Variants in ST8SIA6 observed in about 807,000 individuals in gnomAD.
ST8SIA6 encodes the protein ST8 alpha-N-acetyl-neuraminide alpha-2,8-sialyltransferase 6, also known as alpha-2,8-sialyltransferase 8F.
A neutral mutation model predicts 33.6 loss-of-function variants in ST8SIA6; 39 were observed. That is an observed-to-expected ratio of 1.16 (90% CI 0.90 to 1.52). The LOEUF (loss-of-function observed/expected upper bound fraction) is 1.52. Among genes scored for constraint, ST8SIA6 ranks in the 40% most tolerant of loss-of-function variants. The pLI, the probability that ST8SIA6 is intolerant of heterozygous loss-of-function variation, is 0.00. For missense variants in ST8SIA6, 441 were observed against 443.8 expected, an observed-to-expected ratio of 0.99 and a Z score of 0.06; for synonymous variants, 172 against 167.2, an observed-to-expected ratio of 1.03 and a Z score of -0.22.
intron 3 of ST8SIA6, among the ~76,000 whole-genome samples, chr10:17,361,810 G>T (rs1849401350): frequency 6.6e-6 from 1 of 151,312 alleles, no homozygotes; most frequent in Non-Finnish European, 1.5e-5. Flanking sequence ...ACAACATGAA[G>T]AAAGGATAAA....
chr10:17,344,200 C>G (rs188096037), intron 4 of ST8SIA6, among the ~76,000 whole-genome samples: 1 of 152,300 alleles, frequency 6.6e-6, no homozygotes, highest in East Asian at 1.9e-4. Flanking sequence ...GGGGAAAAGT[C>G]AAGAAGAAAG....
intron 2 of ST8SIA6, among the ~76,000 whole-genome samples, chr10:17,452,819 T>G (rs1262908740): frequency 1.3e-5 from 2 of 152,202 alleles, no homozygotes; most frequent in African/African-American, 2.4e-5. Flanking sequence ...GGTATAGGTC[T>G]AGGATTTTTA....
chr10:17,356,300 A>C (rs1588832376), intron 4 of ST8SIA6, among the ~76,000 whole-genome samples: 1 of 152,172 alleles, frequency 6.6e-6, no homozygotes, highest in Non-Finnish European at 1.5e-5. Context: ...AGAACATTAC[A>C]ATATAATAAA....
intron 2 of ST8SIA6, among the ~76,000 whole-genome samples, chr10:17,444,107 T>A (rs1852609625): frequency 6.6e-6 from 1 of 152,222 alleles, no homozygotes; most frequent in African/African-American, 2.4e-5. Flanking sequence ...CCTCCAAAGA[T>A]ATCCTTCCTG....
At chr10:17,342,660 G>T (rs939876361) in intron 4 of ST8SIA6, among the ~76,000 whole-genome samples, 7 of 152,106 alleles carry the variant, frequency 4.6e-5, no homozygotes, top group African/African-American at 1.7e-4. Flanking sequence ...TTAGTAGGTG[G>T]AAAGAACAGC....
chr10:17,398,007 A>C (rs1451205677), intron 2 of ST8SIA6, among the ~76,000 whole-genome samples: 2 of 152,216 alleles, frequency 1.3e-5, no homozygotes, highest in Non-Finnish European at 2.9e-5. Context: ...CTTAGAGACT[A>C]CAATGGCTAC....
intron 2 of ST8SIA6, among the ~76,000 whole-genome samples, chr10:17,444,620 C>CT (rs764521173): frequency 1.1e-4 from 17 of 152,204 alleles, no homozygotes; most frequent in Non-Finnish European, 2.2e-4. Flanking sequence ...AGCCCATACT[C>CT]TGTAGCCCTC....
chr10:17,324,732 C>CACACACACAG (rs1848065976), intron 6 of ST8SIA6, among the ~76,000 whole-genome samples: 1 of 143,626 alleles, frequency 7.0e-6, no homozygotes, highest in Non-Finnish European at 1.5e-5. Flanking sequence ...CACACACACA[C>CACACACACAG]ACACACAAAC....
chr10:17,404,482 C>G (rs7920769), intron 2 of ST8SIA6, among the ~76,000 whole-genome samples: 61,881 of 151,878 alleles, frequency 0.41, 13,349 homozygotes, highest in East Asian at 0.68. Context: ...TTTCAACAAG[C>G]CCTCATCCTT....
chr10:17,407,500 C>T (rs1424289216), intron 2 of ST8SIA6, among the ~76,000 whole-genome samples: 1 of 152,236 alleles, frequency 6.6e-6, no homozygotes, highest in African/African-American at 2.4e-5. Context: ...CACCCTCAAT[C>T]ACCTTTCCCC....
chr10:17,346,891 A>G (rs965571707), intron 4 of ST8SIA6, among the ~76,000 whole-genome samples: 2 of 152,192 alleles, frequency 1.3e-5, no homozygotes, highest in Non-Finnish European at 2.9e-5. Context: ...CTATCGATCT[A>G]TCGAGACTTA....
rs546243661 is a variant in ST8SIA6 at position 17,435,966 on chromosome 10, G to A, written c.200+17593C>T. Among the ~76,000 whole-genome samples, 10 of 152,284 alleles carry A rather than the reference G, an allele frequency of 6.6e-5. No homozygotes were observed. The South Asian group carries it at 2.1e-3, about 32-fold the overall frequency. ...AAATCAGAGTCTAGGGACCAGCGGAGGGAAAGCATTCCGCACATAGCACCT... is the reference window on the plus strand; with the variant it reads ...AAATCAGAGTCTAGGGACCAGCGGAAGGAAAGCATTCCGCACATAGCACCT... On this transcript the variant is annotated intron_variant, in intron 2 of 7. Coordinates refer to ENST00000377602, the MANE Select transcript of ST8SIA6 (RefSeq NM_001004470.3).
chr10:17,452,487 C>CT (rs1342201593), intron 2 of ST8SIA6, among the ~76,000 whole-genome samples: 3 of 152,196 alleles, frequency 2.0e-5, no homozygotes, highest in African/African-American at 4.8e-5. Flanking sequence ...GTACATTCTG[C>CT]TTGTGAAAAT....
At chr10:17,433,278 A>G (rs111534029) in intron 2 of ST8SIA6, among the ~76,000 whole-genome samples, 1,877 of 152,292 alleles carry the variant, frequency 0.012, 28 homozygotes, top group African/African-American at 0.043. Context: ...ATCTATATCA[A>G]GTTGTTACAC....
In ST8SIA6 at chr10:17,358,708, AGG is replaced by A. The variant is rs1849283903; in HGVS notation, c.377+804_377+805del. Reference sequence around the variant, plus strand: ...AGGAAGAGGAAAAAGGAGGAGGAGGAGGAAAGAAGAAAGAAGAAGAGGAAGAG... The same window carrying A: ...AGGAAGAGGAAAAAGGAGGAGGAGGAAAAGAAGAAAGAAGAAGAGGAAGAG... On this transcript the variant is annotated intron_variant, in intron 4 of 7. Transcript: ENST00000377602. Among the ~76,000 whole-genome samples, 4 of 131,438 alleles carry A rather than the reference AGG, an allele frequency of 3.0e-5. 1 individual carries two copies. The highest frequency in any genetic ancestry group is 1.1e-4 in the African/African-American group (4 of 34,798). 86.2% of individuals were successfully genotyped at this position (131,438 alleles called of 152,430 possible).
chr10:17,445,978 G>A (rs1852691886), intron 2 of ST8SIA6, among the ~76,000 whole-genome samples: 1 of 152,036 alleles, frequency 6.6e-6, no homozygotes, highest in African/African-American at 2.4e-5. Context: ...GATAGTTTTG[G>A]GGTCTGGTAT....
At chr10:17,385,252 C>A (rs1850291111) in intron 3 of ST8SIA6, among the ~76,000 whole-genome samples, 1 of 152,134 alleles carries the variant, frequency 6.6e-6, no homozygotes, top group African/African-American at 2.4e-5. Context: ...AAGAATGCAA[C>A]CATTTGTGTC....
chr10:17,381,782 GC>G (rs1266275498), intron 3 of ST8SIA6, among the ~76,000 whole-genome samples: 7 of 152,198 alleles, frequency 4.6e-5, no homozygotes, highest in Admixed American at 1.3e-4. Context: ...ACATTGATAT[GC>G]GTTTAATGAA....
Position 17,433,403 on chromosome 10 carries a change from G to A in ST8SIA6, c.200+20156C>T, listed in dbSNP as rs115791180. Among the ~76,000 whole-genome samples the A allele has an allele frequency of 2.9e-3, 446 of 152,282 alleles. 2 individuals are homozygous for A. The highest frequency in any genetic ancestry group is 1.0e-2 in the African/African-American group (415 of 41,546). ...TAAGATAGAGCTTTAATATCCAACC[G>A]TTGGTAATCACGGAAATTCCAATTA... is the stretch of plus-strand genomic sequence containing the variant. On this transcript the variant is annotated intron_variant, in intron 2 of 7. Transcript: ENST00000377602.
Sources: allele counts gnomAD v4.1 joint callset (sites outside exome capture counted in the v4.1 genomes callset), GRCh38; gene constraint gnomAD v4.1.1; transcripts MANE v1.5; gene names NCBI Gene and HGNC (gene_info 2026-07-23, HGNC 2026-07-21).